Variants in TRPC5 observed in about 807,000 individuals in gnomAD.
TRPC5 encodes the protein short transient receptor potential channel 5.
A neutral mutation model predicts 56.5 loss-of-function variants in TRPC5; 9 were observed. The observed-to-expected ratio is 0.16, with a 90% CI of 0.10 to 0.28. The LOEUF is 0.28. Among genes scored for constraint, TRPC5 ranks in the 10% least tolerant of loss-of-function variants. The pLI, the probability that TRPC5 is intolerant of heterozygous loss-of-function variation, is 1.00. For synonymous variants in TRPC5, 282 were observed against 278.5 expected (o/e 1.01, Z -0.13); for missense variants, 469 against 748.9 (o/e 0.63, Z 4.36).
chrX:112,010,378 C>T (rs771912619), intron 1 of TRPC5, among the ~76,000 whole-genome samples: 8 of 111,953 alleles, frequency 7.1e-5, no homozygotes, highest in African/African-American at 1.3e-4. Flanking sequence ...AATAACTGTA[C>T]GTACAGCCAT....
chrX:111,991,009 C>A (rs1478755354), intron 1 of TRPC5, among the ~76,000 whole-genome samples: 1 of 111,964 alleles, frequency 8.9e-6, no homozygotes, highest in African/African-American at 3.2e-5. Context: ...ATCCGATTGC[C>A]ACTGAATGAG....
intron 1 of TRPC5, among the ~76,000 whole-genome samples, chrX:112,068,105 A>G (rs60744336): frequency 0.19 from 20,605 of 111,334 alleles, 2,931 homozygotes; most frequent in African/African-American, 0.5. Context: ...CCATTCCAGG[A>G]ATGTCTCTTC....
In TRPC5 at chrX:111,948,562, T is replaced by A. The variant is rs181035058; in HGVS notation, c.378+3481A>T. Among the ~76,000 whole-genome samples, 6 of 109,466 alleles carry A rather than the reference T, an allele frequency of 5.5e-5. No homozygotes were observed. The East Asian group carries it at 1.7e-3, about 32-fold the overall frequency. On this transcript the variant is annotated intron_variant, in intron 2 of 10. Coordinates refer to ENST00000262839, the MANE Select transcript of TRPC5 (RefSeq NM_012471.3). ...GCCTGGGCAACACGTTGAAATCCTG[T>A]CTCTACTAAAATACAAAAAATTAGC...
chrX:111,841,580 TATTG>T lies in TRPC5; in HGVS notation c.1700+5530_1700+5533del, dbSNP rs1341291951. Among the ~76,000 whole-genome samples the T allele has an allele frequency of 7.1e-5, 8 of 112,308 alleles. No individual in the cohort carries two copies. The Admixed American group carries it at 7.5e-4, about 11-fold the overall frequency. On this transcript the variant is annotated intron_variant, in intron 6 of 10. Coordinates refer to ENST00000262839, the MANE Select transcript of TRPC5 (RefSeq NM_012471.3). ...GTGCCTGTTCCTAGCACGCAGTAAA[TATTG>T]ATTATTTTCATTATTATTATTAAAC...
At chrX:111,878,709 G>A (rs1223964515) in intron 3 of TRPC5, among the ~76,000 whole-genome samples, 1 of 111,255 alleles carries the variant, frequency 9.0e-6, no homozygotes, top group Non-Finnish European at 1.9e-5. Context: ...GTGGGTGGAG[G>A]GGTGGTGGAG....
intron 3 of TRPC5, among the ~76,000 whole-genome samples, chrX:111,886,204 C>T (rs1393032604): frequency 8.9e-6 from 1 of 111,971 alleles, no homozygotes; most frequent in Non-Finnish European, 1.9e-5. Context: ...TGCTTGAACC[C>T]CGGAGGTGGA....
chrX:112,079,214 G>A (rs1240902993), intron 1 of TRPC5, among the ~76,000 whole-genome samples: 2 of 112,058 alleles, frequency 1.8e-5, no homozygotes, highest in African/African-American at 6.5e-5. Context: ...CAGAAGTAAA[G>A]CAGGCAGAAA....
intron 3 of TRPC5, among the ~76,000 whole-genome samples, chrX:111,859,530 C>G (rs1225844157): frequency 8.9e-6 from 1 of 112,118 alleles, no homozygotes; most frequent in Non-Finnish European, 1.9e-5. Flanking sequence ...TGAGATAAGA[C>G]TTGTTAAAGC....
chrX:111,948,359 A>G (rs185871972), intron 2 of TRPC5, among the ~76,000 whole-genome samples: 2 of 111,366 alleles, frequency 1.8e-5, no homozygotes, highest in Admixed American at 9.5e-5. Context: ...CTTTTCTAAT[A>G]ACTACAGTTA....
intron 1 of TRPC5, among the ~76,000 whole-genome samples, chrX:112,053,766 C>T: frequency 8.9e-6 from 1 of 112,009 alleles, no homozygotes; most frequent in East Asian, 2.8e-4. Flanking sequence ...ATGATGAGCA[C>T]TGCAAGTGCA....
intron 3 of TRPC5, among the ~76,000 whole-genome samples, chrX:111,907,752 G>C (rs1925679882): frequency 9.0e-6 from 1 of 111,649 alleles, no homozygotes; most frequent in African/African-American, 3.2e-5. Context: ...CATGAGAAGA[G>C]TTTATACTGC....
chrX:111,839,849 T>C (rs1922674839), intron 6 of TRPC5, among the ~76,000 whole-genome samples: 1 of 109,176 alleles, frequency 9.2e-6, no homozygotes, highest in African/African-American at 3.3e-5. Flanking sequence ...CCTGAGTAGG[T>C]AGGACTATAG....
At chrX:111,883,085 CAAAAA>C (rs59699981) in intron 3 of TRPC5, among the ~76,000 whole-genome samples, 1 of 45,188 alleles carries the variant, frequency 2.2e-5, no homozygotes, top group Non-Finnish European at 4.7e-5. Flanking sequence ...GACTCTGTCT[CAAAAA>C]AAAAAAAAAA....
At position 111,898,296 on chromosome X, in the gene TRPC5, C is replaced by T. The variant is rs899520466; in HGVS notation, c.900+13995G>A. On this transcript the variant is annotated intron_variant, in intron 3 of 10. Coordinates refer to ENST00000262839, the MANE Select transcript of TRPC5 (RefSeq NM_012471.3). ...ATATATAGACACACACGCGTGTGTG[C>T]GCACACACACACATATATCTGACAA... is the stretch of plus-strand genomic sequence containing the variant. 2.4e-4 allele frequency among the ~76,000 whole-genome samples: 22 copies of T among 91,795 alleles called. No homozygotes were observed. The East Asian group carries it at 4.3e-3, about 18-fold the overall frequency. 79.7% of individuals were successfully genotyped at this position (91,795 alleles called of 115,157 possible). A position where few individuals can be genotyped will look rare whatever the true frequency, so the allele number is the denominator to read the frequency against.
At chrX:112,049,695 C>G (rs988581905) in intron 1 of TRPC5, among the ~76,000 whole-genome samples, 2 of 110,247 alleles carry the variant, frequency 1.8e-5, no homozygotes, top group African/African-American at 6.6e-5. Flanking sequence ...TATTTTGGGC[C>G]TAAGCATGAA....
At chrX:112,022,394 G>A (rs554476304) in intron 1 of TRPC5, among the ~76,000 whole-genome samples, 3 of 111,931 alleles carry the variant, frequency 2.7e-5, no homozygotes, top group South Asian at 7.5e-4. Context: ...CCTCTAAACA[G>A]CATGTTAGAA....
At chrX:112,000,126 C>T (rs1211153153) in intron 1 of TRPC5, among the ~76,000 whole-genome samples, 4 of 112,098 alleles carry the variant, frequency 3.6e-5, no homozygotes, top group Non-Finnish European at 7.5e-5. Flanking sequence ...TTACCTGCCA[C>T]TGTGATATTA....
chrX:111,832,540 T>C (rs1922440277), intron 7 of TRPC5, among the ~76,000 whole-genome samples: 1 of 112,241 alleles, frequency 8.9e-6, no homozygotes, highest in Non-Finnish European at 1.9e-5. Flanking sequence ...TTAAATCTAC[T>C]TTCTGGCCCT....
chrX:111,944,991 C>T (rs189532046), intron 2 of TRPC5, among the ~76,000 whole-genome samples: 1 of 110,892 alleles, frequency 9.0e-6, no homozygotes, highest in Admixed American at 9.7e-5. Flanking sequence ...CAGAGAGGTA[C>T]GTGGACCTCT....
Sources: gnomAD v4.1 joint callset for allele counts (sites outside exome capture counted in the v4.1 genomes callset) on GRCh38, gnomAD v4.1.1 for gene constraint, MANE v1.5 for transcripts, NCBI Gene and HGNC (gene_info 2026-07-23, HGNC 2026-07-21) for gene names.